TYW1B: variants seen among roughly 807,000 people sequenced by gnomAD.
TYW1B encodes the protein S-adenosyl-L-methionine-dependent tRNA 4-demethylwyosine synthase TYW1B.
TYW1B carries 73 observed loss-of-function variants against 86.9 expected under a neutral mutation model. The observed-to-expected ratio is 0.84, with a 90% confidence interval of 0.70 to 1.02. The LOEUF (loss-of-function observed/expected upper bound fraction) is 1.02. Ranked by LOEUF, TYW1B falls within the 50% of genes least tolerant of loss-of-function variation. The pLI is 0.00. For missense variants in TYW1B, 637 were observed against 827.4 expected, an observed-to-expected ratio of 0.77 and a Z score of 2.82; for synonymous variants, 248 against 292.8, an observed-to-expected ratio of 0.85 and a Z score of 1.56.
chr7:72,586,216 C>G (rs1268873413), intron 13 of TYW1B, among the ~76,000 whole-genome samples: 4 of 152,160 alleles, frequency 2.6e-5, no homozygotes, highest in Admixed American at 6.5e-5. Context: ...GGGTTATAGA[C>G]AGAGCTAACT....
chr7:72,640,892 C>T (rs1812785484), intron 11 of TYW1B, among the ~76,000 whole-genome samples: 2 of 151,882 alleles, frequency 1.3e-5, no homozygotes, highest in Non-Finnish European at 2.9e-5. Flanking sequence ...GTAAATTAAA[C>T]CAACAGGGTT....
chr7:72,690,870 C>A (rs1305049605), intron 11 of TYW1B, among the ~76,000 whole-genome samples: 5 of 152,122 alleles, frequency 3.3e-5, no homozygotes, highest in Non-Finnish European at 7.4e-5. Context: ...GCCTCAGCCT[C>A]CCGAGTAGCT....
chr7:72,827,960 C>T, intron 1 of TYW1B, 112 bp downstream of exon 1: 1 of 1,564,270 alleles, frequency 6.4e-7, no homozygotes, highest in Non-Finnish European at 8.7e-7. Flanking sequence ...CTGTCAAGTG[C>T]AACAGTCTCC....
chr7:72,723,591 AC>A (rs1192291084), intron 9 of TYW1B, among the ~76,000 whole-genome samples: 1 of 151,966 alleles, frequency 6.6e-6, no homozygotes, highest in Non-Finnish European at 1.5e-5. Context: ...ACGTAGTGAG[AC>A]CCCCCATATC....
intron 9 of TYW1B, among the ~76,000 whole-genome samples, chr7:72,728,098 T>A (rs1234780310): frequency 5.9e-5 from 9 of 152,150 alleles, no homozygotes; most frequent in Admixed American, 3.9e-4. Flanking sequence ...TCCTTTTTTT[T>A]AAATAAGGAA....
chr7:72,606,994 G>C (rs1179700185), intron 13 of TYW1B, among the ~76,000 whole-genome samples: 2 of 152,160 alleles, frequency 1.3e-5, no homozygotes, highest in African/African-American at 4.8e-5. Context: ...ACTTGAATTA[G>C]AAAAGACAAT....
chr7:72,781,697 C>T (rs1397151102), intron 6 of TYW1B, among the ~76,000 whole-genome samples: 7 of 152,264 alleles, frequency 4.6e-5, no homozygotes, highest in South Asian at 2.1e-4. Flanking sequence ...TCCTAAGGGA[C>T]GACGGCAAAA....
intron 11 of TYW1B, among the ~76,000 whole-genome samples, chr7:72,672,548 T>C (rs1156824955): frequency 1.3e-5 from 2 of 151,434 alleles, no homozygotes; most frequent in Non-Finnish European, 2.9e-5. Flanking sequence ...TAGCCTTCTA[T>C]ATTTCTGGGT....
At chr7:72,818,578 CAAAAAAAA>C (rs57325230) in intron 2 of TYW1B, among the ~76,000 whole-genome samples, 2 of 38,432 alleles carry the variant, frequency 5.2e-5, no homozygotes, top group Admixed American at 3.0e-4. Context: ...GACTCCATCT[CAAAAAAAA>C]AAAAAAAAAA....
intron 11 of TYW1B, among the ~76,000 whole-genome samples, chr7:72,653,537 G>A (rs1813115150): frequency 6.6e-6 from 1 of 151,942 alleles, no homozygotes; most frequent in African/African-American, 2.4e-5. Flanking sequence ...AACCTGGGAG[G>A]CGGAGCTTGC....
chr7:72,592,671 T>C (rs1811424097), intron 13 of TYW1B, among the ~76,000 whole-genome samples: 2 of 152,180 alleles, frequency 1.3e-5, no homozygotes, highest in South Asian at 4.1e-4. Flanking sequence ...AACCCAAAGA[T>C]ACAAGTGGAT....
chr7:72,675,515 T>C (rs1554447224), intron 11 of TYW1B, among the ~76,000 whole-genome samples: 3 of 150,424 alleles, frequency 2.0e-5, no homozygotes, highest in Non-Finnish European at 4.4e-5. Context: ...AGTATTTTTA[T>C]GTTGCCCTAA....
At position 72,575,305 on chromosome 7, in the gene TYW1B, A is replaced by T; in HGVS notation, c.*193T>A. 1.4e-6 allele frequency: 2 copies of T among 1,415,726 alleles called. No individual in the cohort carries two copies. Among genetic ancestry groups the T allele is most frequent in the Non-Finnish European group, 1.8e-6 (2 of 1,083,630 alleles). The allele number at this position is 1,415,726 out of a possible 1,614,324, so 87.7% of individuals were successfully genotyped here. A position where few individuals can be genotyped will look rare whatever the true frequency, so the allele number is the denominator to read the frequency against. ...AGGAAAGGGGCTGAGTTCTGAAAAGAAACATCGGGGCTGTGGCCCAGGCCC... is the reference window on the plus strand; with the variant it reads ...AGGAAAGGGGCTGAGTTCTGAAAAGTAACATCGGGGCTGTGGCCCAGGCCC... On this transcript the variant is annotated 3_prime_UTR_variant, in exon 14 of 14. Coordinates refer to ENST00000620995, the MANE Select transcript of TYW1B (RefSeq NM_001145440.3).
intron 6 of TYW1B, among the ~76,000 whole-genome samples, chr7:72,788,356 C>G (rs1268076830): frequency 3.3e-5 from 5 of 152,232 alleles, no homozygotes; most frequent in African/African-American, 9.6e-5. Context: ...ACCACATGGC[C>G]ACATGGAAGT....
intron 13 of TYW1B, among the ~76,000 whole-genome samples, chr7:72,608,843 G>A (rs1363737200): frequency 1.6e-4 from 24 of 152,144 alleles, no homozygotes; most frequent in Non-Finnish European, 2.4e-4. Context: ...AGTTGGTATC[G>A]GACTACAAAG....
intron 9 of TYW1B, among the ~76,000 whole-genome samples, chr7:72,727,467 G>A (rs1787021408): frequency 6.6e-6 from 1 of 152,122 alleles, no homozygotes; most frequent in Non-Finnish European, 1.5e-5. Context: ...CACATGTACA[G>A]TAGTGGTTCT....
At chr7:72,589,559 A>C (rs1331817966) in intron 13 of TYW1B, among the ~76,000 whole-genome samples, 45 of 152,198 alleles carry the variant, frequency 3.0e-4, no homozygotes, top group African/African-American at 1.0e-3. Flanking sequence ...TGAACTGAGA[A>C]AGTGGTATGT....
chr7:72,763,682 T>C (rs952556635), intron 7 of TYW1B, among the ~76,000 whole-genome samples: 1 of 152,252 alleles, frequency 6.6e-6, no homozygotes, highest in African/African-American at 2.4e-5. Flanking sequence ...GAGTGACCTA[T>C]GATTCTGTTT....
intron 8 of TYW1B, 137 bp from the exon 9 acceptor site, chr7:72,729,068 G>A (rs544054553): frequency 7.1e-6 from 5 of 702,106 alleles, no homozygotes; most frequent in African/African-American, 5.4e-5. Flanking sequence ...CACGTATAGT[G>A]GTATTTTCCA....
Sources: gnomAD v4.1 joint callset for allele counts (sites outside exome capture counted in the v4.1 genomes callset) on GRCh38, gnomAD v4.1.1 for gene constraint, MANE v1.5 for transcripts, NCBI Gene and HGNC (gene_info 2026-07-23, HGNC 2026-07-21) for gene names.